Variants in IL1RAPL1 observed in about 807,000 individuals in gnomAD.
The protein encoded by IL1RAPL1 is interleukin-1 receptor accessory protein-like 1.
IL1RAPL1 carries 3 observed loss-of-function variants against 48.4 expected under a neutral mutation model. The ratio of observed to expected loss-of-function variants is 0.06; its 90% CI spans 0.03 to 0.16. The LOEUF is 0.16. Among genes scored for constraint, IL1RAPL1 ranks in the 10% least tolerant of loss-of-function variants. The pLI, the probability that IL1RAPL1 is intolerant of heterozygous loss-of-function variation, is 1.00. For missense variants in IL1RAPL1, 349 were observed against 530.6 expected, an observed-to-expected ratio of 0.66 and a Z score of 3.36; for synonymous variants, 185 against 187.7, an observed-to-expected ratio of 0.99 and a Z score of 0.12.
intron 2 of IL1RAPL1, among the ~76,000 whole-genome samples, chrX:28,894,910 A>C: frequency 9.1e-6 from 1 of 110,224 alleles, no homozygotes; most frequent in Non-Finnish European, 1.9e-5. Context: ...TTTTTATGAG[A>C]ATTATGCCGA....
chrX:29,101,180 G>A (rs1236155366), intron 2 of IL1RAPL1, among the ~76,000 whole-genome samples: 3 of 111,839 alleles, frequency 2.7e-5, no homozygotes, highest in East Asian at 2.8e-4. Context: ...CATTACAACC[G>A]ATACCGCAGA....
chrX:28,881,289 T>G (rs144335960), intron 2 of IL1RAPL1, among the ~76,000 whole-genome samples: 3,795 of 112,425 alleles, frequency 0.034, 138 homozygotes, highest in African/African-American at 0.12. Context: ...GGGAATTTGG[T>G]TTTATGGTCT....
intron 2 of IL1RAPL1, among the ~76,000 whole-genome samples, chrX:29,233,721 A>G (rs1296882435): frequency 8.9e-6 from 1 of 111,897 alleles, no homozygotes; most frequent in African/African-American, 3.3e-5. Context: ...GCAAAATGGA[A>G]GATAATTTTG....
intron 6 of IL1RAPL1, among the ~76,000 whole-genome samples, chrX:29,911,092 G>A (rs1268099963): frequency 8.9e-6 from 1 of 111,835 alleles, no homozygotes; most frequent in Non-Finnish European, 1.9e-5. Context: ...TAGCCAAAAA[G>A]TGGAAACAAC....
At chrX:29,005,171 C>T (rs1297995190) in intron 2 of IL1RAPL1, among the ~76,000 whole-genome samples, 3 of 111,900 alleles carry the variant, frequency 2.7e-5, no homozygotes, top group African/African-American at 9.7e-5. Flanking sequence ...CATCTTAGAA[C>T]TAATTAAACA....
At chrX:29,800,050 A>G (rs191101407) in intron 6 of IL1RAPL1, among the ~76,000 whole-genome samples, 211 of 111,906 alleles carry the variant, frequency 1.9e-3, no homozygotes, top group African/African-American at 6.4e-3. Context: ...CAAAGAAATA[A>G]TTATGTGCAT....
intron 5 of IL1RAPL1, among the ~76,000 whole-genome samples, chrX:29,514,686 T>C (rs6628441): frequency 0.46 from 51,473 of 111,484 alleles, 8,572 homozygotes; most frequent in East Asian, 0.7. Context: ...TGACCTTGAG[T>C]GATCCGCCTG....
intron 1 of IL1RAPL1, among the ~76,000 whole-genome samples, chrX:28,610,574 C>A (rs1026203757): frequency 3.6e-5 from 4 of 112,176 alleles, no homozygotes; most frequent in African/African-American, 1.3e-4. Flanking sequence ...CAGTTAGCAT[C>A]ATTTTGTCCC....
chrX:29,800,445 A>G (rs1205028037), intron 6 of IL1RAPL1, among the ~76,000 whole-genome samples: 1 of 109,882 alleles, frequency 9.1e-6, no homozygotes, highest in Non-Finnish European at 1.9e-5. Context: ...AAAGTTACCC[A>G]TTTTAAAATC....
chrX:29,571,218 G>A (rs960432954), intron 5 of IL1RAPL1, among the ~76,000 whole-genome samples: 2 of 106,705 alleles, frequency 1.9e-5, no homozygotes, highest in African/African-American at 3.7e-5. Context: ...TGAAGACTCC[G>A]TCTCAAAATA....
At chrX:29,893,975 A>G (rs563410272) in intron 6 of IL1RAPL1, among the ~76,000 whole-genome samples, 4 of 112,358 alleles carry the variant, frequency 3.6e-5, no homozygotes, top group African/African-American at 9.7e-5. Context: ...GGGAAACCAT[A>G]ATCACAGTTA....
rs867235738 is a variant in IL1RAPL1, at chrX:28,854,474, A to G, written c.82+65049A>G. On this transcript the variant is annotated intron_variant, in intron 2 of 10. Transcript: ENST00000378993. ...TGAAGTTTAGGAAGATGTGAAATAT[A>G]GGTTTGATTATGCTGTATTTAAGGA... Among the ~76,000 whole-genome samples the G allele has an allele frequency of 3.6e-5, 4 of 110,174 alleles. No homozygotes were observed. The South Asian group carries it at 1.2e-3, about 32-fold the overall frequency.
At chrX:29,715,788 C>G (rs1927467500) in intron 6 of IL1RAPL1, among the ~76,000 whole-genome samples, 1 of 112,015 alleles carries the variant, frequency 8.9e-6, no homozygotes, top group African/African-American at 3.2e-5. Context: ...TTTCTGGTCT[C>G]TTTAATTCAA....
At chrX:28,947,708 A>G (rs983997073) in intron 2 of IL1RAPL1, among the ~76,000 whole-genome samples, 3 of 112,156 alleles carry the variant, frequency 2.7e-5, no homozygotes, top group African/African-American at 6.5e-5. Context: ...CTTAAAAAGT[A>G]TAATAAAAAA....
intron 2 of IL1RAPL1, among the ~76,000 whole-genome samples, chrX:29,158,856 G>A (rs1055673264): frequency 9.3e-4 from 101 of 108,986 alleles, no homozygotes; most frequent in African/African-American, 3.1e-3. Flanking sequence ...AGCACGTTGC[G>A]CTGTCTTTGG....
intron 2 of IL1RAPL1, among the ~76,000 whole-genome samples, chrX:29,273,154 G>C (rs780337989): frequency 1.8e-5 from 2 of 111,956 alleles, no homozygotes; most frequent in African/African-American, 3.2e-5. Flanking sequence ...TTTCAGCCTA[G>C]TTAAAAACCA....
chrX:28,765,322 G>C (rs894542934), intron 1 of IL1RAPL1, among the ~76,000 whole-genome samples: 3 of 111,478 alleles, frequency 2.7e-5, no homozygotes, highest in Non-Finnish European at 5.6e-5. Context: ...CTTAGGTTGT[G>C]TGCCTTGCAA....
intron 5 of IL1RAPL1, among the ~76,000 whole-genome samples, chrX:29,512,614 C>T (rs2143148): frequency 1.8e-5 from 2 of 111,748 alleles, no homozygotes; most frequent in Non-Finnish European, 3.8e-5. Flanking sequence ...CTGATGAATT[C>T]ACAGACAATT....
At chrX:29,797,226 T>A in intron 6 of IL1RAPL1, among the ~76,000 whole-genome samples, 1 of 112,527 alleles carries the variant, frequency 8.9e-6, no homozygotes, top group Non-Finnish European at 1.9e-5. Context: ...CTACTTGCCT[T>A]GGCACATGGC....
Sources: gnomAD v4.1 joint callset for allele counts (sites outside exome capture counted in the v4.1 genomes callset) on GRCh38, gnomAD v4.1.1 for gene constraint, MANE v1.5 for transcripts, NCBI Gene and HGNC (gene_info 2026-07-23, HGNC 2026-07-21) for gene names.